Variants in SLC25A12 observed in about 807,000 individuals in gnomAD.
SLC25A12 encodes the protein electrogenic aspartate/glutamate antiporter SLC25A12, mitochondrial.
SLC25A12 carries 32 observed loss-of-function variants against 83.3 expected under a neutral mutation model. The ratio of observed to expected loss-of-function variants is 0.38; its 90% CI spans 0.29 to 0.52. The LOEUF (loss-of-function observed/expected upper bound fraction) is 0.52, where lower values mean the gene tolerates loss of function less well. Among genes scored for constraint, SLC25A12 ranks in the 20% least tolerant of loss-of-function variants. The pLI is 0.84. For synonymous variants in SLC25A12, 267 were observed against 291.1 expected, an observed-to-expected ratio of 0.92 and a Z score of 0.84; for missense variants, 611 against 835.6, an observed-to-expected ratio of 0.73 and a Z score of 3.31.
rs747419483 is a variant in SLC25A12, at chr2:171,785,377, G to A, written c.1934C>T (p.Thr645Met). ...AAATTTGTTTTCGATGCCTGCAAAC[G>A]TGGCTGTGGCGAGTCTGTATCCACC... ...HIGGYRLATA[T>M]FAGIENKFGL... Residue 645 changes from threonine to methionine, a missense_variant, in exon 18 of 18, where the codon ACG becomes ATG. This residue lies in a region of SLC25A12 where 540 missense variants were observed against 777.5 expected (regional missense o/e 0.69). Transcript: ENST00000422440. The A allele has an allele frequency of 2.3e-5, 37 of 1,614,098 alleles. No individual in the cohort carries two copies. The East Asian group carries it at 2.7e-4, about 12-fold the overall frequency.
intron 4 of SLC25A12, among the ~76,000 whole-genome samples, chr2:171,851,971 C>A (rs1259113264): frequency 6.6e-6 from 1 of 152,196 alleles, no homozygotes; most frequent in Non-Finnish European, 1.5e-5. Flanking sequence ...GAGACCAAGG[C>A]AAACTTACAC....
chr2:171,789,442 A>C (rs1349706816), intron 15 of SLC25A12, among the ~76,000 whole-genome samples: 1 of 151,900 alleles, frequency 6.6e-6, no homozygotes, highest in Non-Finnish European at 1.5e-5. Context: ...GTTAGCCAGG[A>C]TGGTCTCGAT....
At chr2:171,834,607 C>T (rs1573969837) in intron 7 of SLC25A12, 120 bp downstream of exon 7, 1 of 1,148,110 alleles carries the variant, frequency 8.7e-7, no homozygotes, top group East Asian at 2.4e-5. Flanking sequence ...AGCATACATA[C>T]ACATGGTAAC....
At chr2:171,870,569 A>T (rs1410894709) in intron 2 of SLC25A12, among the ~76,000 whole-genome samples, 1 of 152,084 alleles carries the variant, frequency 6.6e-6, no homozygotes, top group East Asian at 1.9e-4. Flanking sequence ...TGCAGTGAGC[A>T]GTGATCATGC....
chr2:171,792,582 A>G (rs1683501920), intron 14 of SLC25A12, among the ~76,000 whole-genome samples: 1 of 151,546 alleles, frequency 6.6e-6, no homozygotes, highest in Non-Finnish European at 1.5e-5. Flanking sequence ...TACAAGTGTG[A>G]GCCAGTGCTC....
At chr2:171,886,901 T>C (rs1212099384) in intron 2 of SLC25A12, among the ~76,000 whole-genome samples, 2 of 152,248 alleles carry the variant, frequency 1.3e-5, no homozygotes, top group African/African-American at 4.8e-5. Flanking sequence ...ATATTTTCTT[T>C]TTATTTTAAA....
At chr2:171,797,082 G>T (rs1349924504) in intron 13 of SLC25A12, among the ~76,000 whole-genome samples, 1 of 152,158 alleles carries the variant, frequency 6.6e-6, no homozygotes, top group Non-Finnish European at 1.5e-5. Context: ...GATTATAAAT[G>T]ATATCATTAA....
rs141740325 is a variant in SLC25A12, at chr2:171,813,645, A to G, written c.1013-148T>C. 6.4e-5 allele frequency: 59 copies of G among 916,500 alleles called. No individual in the cohort carries two copies. The African/African-American group carries it at 7.2e-4, about 11-fold the overall frequency. 56.8% of individuals were successfully genotyped at this position (916,500 alleles called of 1,614,324 possible). On this transcript the variant is annotated intron_variant, in intron 10 of 17. Coordinates refer to ENST00000422440, the MANE Select transcript of SLC25A12 (RefSeq NM_003705.5). ...AGTTTATTATTTTTCTTTCCCTCACAAACACCTTAGGGATAGCAGGCTATA... is the reference window on the plus strand; with the variant it reads ...AGTTTATTATTTTTCTTTCCCTCACGAACACCTTAGGGATAGCAGGCTATA...
At chr2:171,871,485 C>G (rs1468277310) in intron 2 of SLC25A12, among the ~76,000 whole-genome samples, 2 of 151,988 alleles carry the variant, frequency 1.3e-5, no homozygotes. Flanking sequence ...GGGAGAATCA[C>G]TTGAATTTGT....
intron 5 of SLC25A12, 46 bp from the exon 6 acceptor site, chr2:171,837,313 C>T (rs775179167): frequency 4.7e-5 from 75 of 1,603,334 alleles, no homozygotes; most frequent in Non-Finnish European, 6.1e-5. Context: ...TAAACACATT[C>T]CAAGTACATG....
At chr2:171,866,168 C>T (rs1685292793) in intron 3 of SLC25A12, among the ~76,000 whole-genome samples, 1 of 140,058 alleles carries the variant, frequency 7.1e-6, no homozygotes, top group African/African-American at 2.7e-5. Context: ...GGTAAGGTCA[C>T]AGATCAACAG....
At position 171,874,908 on chromosome 2, in the gene SLC25A12, A is replaced by G. The variant is rs567191755; in HGVS notation, c.67-6085T>C. On this transcript the variant is annotated intron_variant, in intron 2 of 17. Coordinates refer to ENST00000422440, the MANE Select transcript of SLC25A12 (RefSeq NM_003705.5). ...GAACTAAATTGAAAGGAAAACCCTA[A>G]CTTTCCACACCTAAGTAACAAAAGG... Among the ~76,000 whole-genome samples the G allele has an allele frequency of 2.4e-4, 36 of 152,236 alleles. 1 individual carries two copies. In the South Asian group the frequency reaches 6.8e-3, roughly 29 times the overall value.
At position 171,810,221 on chromosome 2, in the gene SLC25A12, TAC is replaced by T. The variant is rs1683920780; in HGVS notation, c.1224+1_1224+2del. 1 of 1,610,640 alleles carries T rather than the reference TAC, an allele frequency of 6.2e-7. No individual in the cohort carries two copies. ...ACATAAATTCAGTTAGAGATAAACT[TAC>T]AGTCAGTTTAATGGCCTTTTCTGGA... On this transcript the variant is annotated splice_donor_variant, in intron 12 of 17. Transcript: ENST00000422440. LOFTEE classifies it high-confidence loss of function.
intron 3 of SLC25A12, 119 bp from the exon 4 acceptor site, chr2:171,856,068 T>G (rs1018628211): frequency 2.0e-5 from 14 of 715,184 alleles, no homozygotes; most frequent in Admixed American, 1.0e-4. Context: ...AAAGGGTAGT[T>G]TGTTTTTATA....
At chr2:171,791,713 C>A in intron 14 of SLC25A12, 124 bp from the exon 15 acceptor site, 1 of 874,994 alleles carries the variant, frequency 1.1e-6, no homozygotes, top group Non-Finnish European at 1.9e-6. Flanking sequence ...CCTGAGGTGT[C>A]CCTTAAACAG....
chr2:171,884,343 A>G (rs1459316321), intron 2 of SLC25A12, among the ~76,000 whole-genome samples: 1 of 151,104 alleles, frequency 6.6e-6, no homozygotes, highest in African/African-American at 2.4e-5. Context: ...GGCGCCCGCC[A>G]CCACGCCTGG....
chr2:171,835,665 A>G (rs1684539345), intron 6 of SLC25A12, among the ~76,000 whole-genome samples: 2 of 152,274 alleles, frequency 1.3e-5, no homozygotes, highest in African/African-American at 4.8e-5. Context: ...AGAGGAACCC[A>G]TATGATTGAA....
rs142478029 is a variant in SLC25A12, at chr2:171,821,924, A to G, written c.930+4874T>C. Among the ~76,000 whole-genome samples, 104 of 152,312 alleles carry G rather than the reference A, an allele frequency of 6.8e-4. 1 individual carries two copies. The highest frequency in any genetic ancestry group is 2.3e-3 in the African/African-American group (95 of 41,572). The stretch of plus-strand genomic sequence containing the variant: ...TGCCTATCTCCAGATCATAAATAGA[A>G]TATCTTGTGTTATCCTCTTTAATCT... On this transcript the variant is annotated intron_variant, in intron 9 of 17. Coordinates refer to ENST00000422440, the MANE Select transcript of SLC25A12 (RefSeq NM_003705.5).
chr2:171,873,238 G>A (rs954970603), intron 2 of SLC25A12, among the ~76,000 whole-genome samples: 44 of 152,088 alleles, frequency 2.9e-4, no homozygotes, highest in Admixed American at 6.6e-5. Flanking sequence ...CACGAGGTCA[G>A]GAGATCGAGG....
Sources: gnomAD v4.1 joint callset for allele counts (sites outside exome capture counted in the v4.1 genomes callset) on GRCh38, gnomAD v4.1.1 for gene constraint, gnomAD v4.1.1 regional missense constraint, MANE v1.5 for transcripts, NCBI Gene and HGNC (gene_info 2026-07-23, HGNC 2026-07-21) for gene names.